The following C1QTNF7 variants were observed in gnomAD, a reference collection of about 807,000 sequenced individuals.
The protein encoded by C1QTNF7 is C1q and TNF related 7, also known as complement C1q tumor necrosis factor-related protein 7.
In C1QTNF7, 15 loss-of-function variants were observed where a neutral mutation model predicts 19.6. The ratio of observed to expected loss-of-function variants is 0.76; its 90% CI spans 0.51 to 1.18. The LOEUF (loss-of-function observed/expected upper bound fraction) is 1.18, where lower values mean the gene tolerates loss of function less well. Ranked by LOEUF, C1QTNF7 falls within the 50% of genes most tolerant of loss-of-function variation. The pLI is 0.00. For synonymous variants in C1QTNF7, 142 were observed against 137.5 expected (o/e 1.03, Z -0.23); for missense variants, 324 against 359.7 (o/e 0.90, Z 0.80).
At chr4:15,381,672 AT>A (rs1166172173) in intron 1 of C1QTNF7, 3 of 152,190 alleles carry the variant, frequency 2.0e-5, no homozygotes, top group Non-Finnish European at 4.4e-5. Flanking sequence ...AGATATATAA[AT>A]TGTTTATATG....
chr4:15,427,882 A>G, upstream of C1QTNF7: 1 of 248,878 alleles, frequency 4.0e-6, no homozygotes, highest in Non-Finnish European at 6.4e-6. Context: ...TGTAATTTTA[A>G]CTGGTCCCCG....
chr4:15,403,088 T>A (rs535439861), intron 1 of C1QTNF7, among the ~76,000 whole-genome samples: 1 of 152,034 alleles, frequency 6.6e-6, no homozygotes, highest in East Asian at 1.9e-4. Flanking sequence ...CTACAGATCA[T>A]GTCAGCTACT....
chr4:15,394,896 C>T (rs1560354264), intron 1 of C1QTNF7, among the ~76,000 whole-genome samples: 1 of 152,156 alleles, frequency 6.6e-6, no homozygotes, highest in Non-Finnish European at 1.5e-5. Context: ...ATTTGAACAC[C>T]TCAACTGTTT....
chr4:15,356,936 T>C (rs1717164964), intron 1 of C1QTNF7, among the ~76,000 whole-genome samples: 3 of 149,996 alleles, frequency 2.0e-5, no homozygotes, highest in Admixed American at 1.3e-4. Context: ...CACTTTTTGA[T>C]AAAGTTGTTT....
chr4:15,375,557 G>T (rs1288611833), intron 1 of C1QTNF7, among the ~76,000 whole-genome samples: 1 of 152,192 alleles, frequency 6.6e-6, no homozygotes, highest in African/African-American at 2.4e-5. Context: ...CTGGGAAGTA[G>T]TTAAAAGAAA....
At chr4:15,395,748 C>T (rs1718758336) in intron 1 of C1QTNF7, among the ~76,000 whole-genome samples, 2 of 152,062 alleles carry the variant, frequency 1.3e-5, no homozygotes, top group East Asian at 1.9e-4. Context: ...ATACAGGGCA[C>T]CTTAGATATA....
At chr4:15,369,141 G>T (rs141257093) in intron 1 of C1QTNF7, among the ~76,000 whole-genome samples, 167 of 152,340 alleles carry the variant, frequency 1.1e-3, no homozygotes, top group African/African-American at 3.7e-3. Flanking sequence ...TTGATCGCTT[G>T]TGGTTAGTGA....
chr4:15,404,867 T>C (rs1719136469), intron 1 of C1QTNF7, among the ~76,000 whole-genome samples: 1 of 152,220 alleles, frequency 6.6e-6, no homozygotes, highest in African/African-American at 2.4e-5. Context: ...CCAAAGCATC[T>C]GTGATCACGA....
intron 1 of C1QTNF7, among the ~76,000 whole-genome samples, chr4:15,413,503 A>C (rs1368356761): frequency 6.6e-6 from 1 of 152,248 alleles, no homozygotes; most frequent in Non-Finnish European, 1.5e-5. Flanking sequence ...AACAGCAATG[A>C]GTCCAAGTTA....
At chr4:15,381,237 G>A (rs1718130108) in intron 1 of C1QTNF7, among the ~76,000 whole-genome samples, 1 of 151,564 alleles carries the variant, frequency 6.6e-6, no homozygotes, top group Non-Finnish European at 1.5e-5. Flanking sequence ...CTAACACAGT[G>A]AAACCCTGTC....
chr4:15,415,603 C>CT (rs916230042), intron 1 of C1QTNF7, among the ~76,000 whole-genome samples: 3 of 144,844 alleles, frequency 2.1e-5, no homozygotes, highest in African/African-American at 2.5e-5. Flanking sequence ...TGGGCCTTCT[C>CT]TTTTTTTTAT....
At chr4:15,434,369 C>A (rs1244686404) in intron 1 of C1QTNF7, among the ~76,000 whole-genome samples, 3 of 152,184 alleles carry the variant, frequency 2.0e-5, no homozygotes, top group Non-Finnish European at 4.4e-5. Flanking sequence ...GTTGCAATTT[C>A]CCCATGGGTA....
At chr4:15,377,160 A>T (rs1223980795) in intron 1 of C1QTNF7, among the ~76,000 whole-genome samples, 3 of 152,232 alleles carry the variant, frequency 2.0e-5, no homozygotes, top group African/African-American at 7.2e-5. Context: ...AATCTGGGAC[A>T]AAATGGAAAT....
chr4:15,427,908 G>A (rs932336769), upstream of C1QTNF7: 6 of 441,458 alleles, frequency 1.4e-5, no homozygotes, highest in South Asian at 9.4e-5. Flanking sequence ...AGCCTCACTC[G>A]ATGAATGACT....
intron 1 of C1QTNF7, among the ~76,000 whole-genome samples, chr4:15,389,181 G>C (rs766942317): frequency 7.0e-4 from 106 of 152,288 alleles, no homozygotes; most frequent in Non-Finnish European, 1.1e-3. Flanking sequence ...AGGGGTTGGA[G>C]ATAAGCCAGG....
At chr4:15,433,403 T>A (rs1486201095) in intron 1 of C1QTNF7, among the ~76,000 whole-genome samples, 1 of 152,072 alleles carries the variant, frequency 6.6e-6, no homozygotes, top group East Asian at 1.9e-4. Flanking sequence ...CAGGCCTGCA[T>A]CATGTATCAC....
intron 1 of C1QTNF7, among the ~76,000 whole-genome samples, chr4:15,432,485 T>A (rs1363450656): frequency 6.6e-6 from 1 of 152,220 alleles, no homozygotes; most frequent in Non-Finnish European, 1.5e-5. Context: ...AACTTCCACC[T>A]CCAGGGTTCA....
At chr4:15,433,205 A>G (rs1229672819) in intron 1 of C1QTNF7, among the ~76,000 whole-genome samples, 1 of 152,000 alleles carries the variant, frequency 6.6e-6, no homozygotes, top group African/African-American at 2.4e-5. Context: ...TTTGGTAGAG[A>G]TGGGGTCTTG....
intron 2 of C1QTNF7, among the ~76,000 whole-genome samples, chr4:15,439,161 C>T (rs1167644398): frequency 1.3e-5 from 2 of 152,190 alleles, no homozygotes; most frequent in African/African-American, 4.8e-5. Context: ...TCTTTCCACT[C>T]TTAATGTGTG....
Sources: allele counts gnomAD v4.1 joint callset (sites outside exome capture counted in the v4.1 genomes callset), GRCh38; gene constraint gnomAD v4.1.1; transcripts MANE v1.5; gene names NCBI Gene and HGNC (gene_info 2026-07-23, HGNC 2026-07-21).